The following THOC1 variants were observed in gnomAD, a reference collection of about 807,000 sequenced individuals.
The protein encoded by THOC1 is THO complex 1.
THOC1 carries 29 observed loss-of-function variants against 97.3 expected under a neutral mutation model. The ratio of observed to expected loss-of-function variants is 0.30; its 90% CI spans 0.22 to 0.41. The LOEUF (loss-of-function observed/expected upper bound fraction) is 0.41, where lower values mean the gene tolerates loss of function less well. Among genes scored for constraint, THOC1 ranks in the 10% least tolerant of loss-of-function variants. THOC1 has a pLI of 1.00. For missense variants in THOC1, 529 were observed against 761.9 expected (o/e 0.69, Z 3.60); for synonymous variants, 255 against 257.0 (o/e 0.99, Z 0.07).
At chr18:249,603 A>G (rs1261927233) in intron 9 of THOC1, among the ~76,000 whole-genome samples, 1 of 151,620 alleles carries the variant, frequency 6.6e-6, no homozygotes, top group African/African-American at 2.4e-5. Context: ...CAGAGCTTGC[A>G]GTGAGCCGAG....
At chr18:250,069 C>T (rs1012162163) in intron 9 of THOC1, among the ~76,000 whole-genome samples, 5 of 152,180 alleles carry the variant, frequency 3.3e-5, no homozygotes, top group Admixed American at 3.3e-4. Flanking sequence ...CCATCTCCTA[C>T]CTGTAAAAGA....
intron 11 of THOC1, among the ~76,000 whole-genome samples, chr18:234,164 C>T (rs188805786): frequency 8.3e-4 from 126 of 152,288 alleles, no homozygotes; most frequent in African/African-American, 2.7e-3. Context: ...TTCATTAGTT[C>T]TAACAGTTTC....
chr18:264,127 C>A (rs1306764181), intron 3 of THOC1, 35 bp from the exon 4 acceptor site: 10 of 1,501,944 alleles, frequency 6.7e-6, no homozygotes, highest in Middle Eastern at 1.7e-4. Context: ...AATTTAGGGG[C>A]AAGAGTTCAG....
chr18:266,428 T>C (rs1312211444), intron 1 of THOC1, among the ~76,000 whole-genome samples: 3 of 152,140 alleles, frequency 2.0e-5, no homozygotes, highest in Non-Finnish European at 4.4e-5. Flanking sequence ...AAATGCAAAA[T>C]CTCAGGCTCC....
rs1289440420 is a variant in THOC1, at chr18:251,434, G to A, written c.677+1105C>T. 4.6e-5 allele frequency among the ~76,000 whole-genome samples: 7 copies of A among 152,304 alleles called. No individual in the cohort carries two copies. In the South Asian group the frequency reaches 1.2e-3, roughly 27 times the overall value. ...CTCAGACACCTGGAAGAGTGCCAGT[G>A]AAGGAAAATTTTCCTTAATGCCTTC... On this transcript the variant is annotated intron_variant, in intron 9 of 20. Coordinates refer to ENST00000261600, the MANE Select transcript of THOC1 (RefSeq NM_005131.3).
chr18:249,595 G>C (rs1248223224), intron 9 of THOC1, among the ~76,000 whole-genome samples: 1 of 151,716 alleles, frequency 6.6e-6, no homozygotes, highest in Non-Finnish European at 1.5e-5. Flanking sequence ...CCAGGAGGCA[G>C]AGCTTGCAGT....
chr18:256,664 T>A (rs1912446308), intron 7 of THOC1, among the ~76,000 whole-genome samples: 1 of 152,190 alleles, frequency 6.6e-6, no homozygotes, highest in Non-Finnish European at 1.5e-5. Flanking sequence ...AATGGTGCGA[T>A]CTCGGCTTAT....
At chr18:267,102 T>C (rs1178466640) in intron 1 of THOC1, among the ~76,000 whole-genome samples, 1 of 152,092 alleles carries the variant, frequency 6.6e-6, no homozygotes, top group East Asian at 1.9e-4. Flanking sequence ...ATTTTCATCC[T>C]GGCATCCCTA....
intron 11 of THOC1, among the ~76,000 whole-genome samples, chr18:235,085 A>ATT (rs34986100): frequency 0.056 from 7,754 of 139,142 alleles, 539 homozygotes; most frequent in African/African-American, 0.16. Flanking sequence ...TTGGTTTTCT[A>ATT]TTTTTTTTTT....
At chr18:221,034 C>G (rs1911059398) in intron 17 of THOC1, among the ~76,000 whole-genome samples, 1 of 152,108 alleles carries the variant, frequency 6.6e-6, no homozygotes, top group Non-Finnish European at 1.5e-5. Flanking sequence ...AAAGTCTGAA[C>G]ATGTAGTGTT....
intron 11 of THOC1, chr18:244,434 T>G (rs986603743): frequency 6.6e-6 from 1 of 152,156 alleles, no homozygotes; most frequent in African/African-American, 2.4e-5. Context: ...AAAAATGTCT[T>G]TCTTTCATCG....
chr18:262,007 G>C (rs1314568824), intron 4 of THOC1, among the ~76,000 whole-genome samples: 2 of 152,070 alleles, frequency 1.3e-5, no homozygotes, highest in African/African-American at 2.4e-5. Flanking sequence ...TCCCTTTCTA[G>C]TTCCCACTCC....
chr18:226,675 G>C (rs754222330), intron 12 of THOC1, 126 bp downstream of exon 12: 14 of 620,558 alleles, frequency 2.3e-5, no homozygotes, highest in Middle Eastern at 3.2e-4. Context: ...TGTATCAGCT[G>C]CAATACATGT....
In THOC1 at chr18:242,200, G is replaced by A. The variant is rs548747285; in HGVS notation, c.918+4124C>T. Among the ~76,000 whole-genome samples, 379 of 151,970 alleles carry A rather than the reference G, an allele frequency of 2.5e-3. No homozygotes were observed. The highest frequency in any genetic ancestry group is 6.2e-3 in the Admixed American group (94 of 15,280). ...CTATAAAGTTTATATCATCTGGCTG[G>A]GCGTGGTGGCTCACGCCTGTAATCC... On this transcript the variant is annotated intron_variant, in intron 11 of 20. Transcript: ENST00000261600. The surrounding 1 kb of genome is among the most constrained non-coding windows in gnomAD (Gnocchi z 4.5).
chr18:259,374 T>A, intron 6 of THOC1, 99 bp from the exon 7 acceptor site: 1 of 1,016,742 alleles, frequency 9.8e-7, no homozygotes, highest in South Asian at 1.7e-5. Flanking sequence ...AAGAGTATTT[T>A]CCTAAAGCAG....
Position 259,743 on chromosome 18 carries a change from C to G in THOC1, c.376-13G>C. On this transcript the variant is annotated splice_polypyrimidine_tract_variant and intron_variant, in intron 5 of 20. Coordinates refer to ENST00000261600, the MANE Select transcript of THOC1 (RefSeq NM_005131.3). ...AATAGAATGTATTCTGAAATTAAGA[C>G]GGAAATTATCACTCTTCTTCAGAAC... 6.5e-7 allele frequency: 1 copy of G among 1,530,568 alleles called. No homozygotes were observed. Among genetic ancestry groups the G allele is most frequent in the Non-Finnish European group, 8.8e-7 (1 of 1,134,778 alleles). 94.8% of individuals were successfully genotyped at this position (1,530,568 alleles called of 1,614,324 possible). A position where few individuals can be genotyped will look rare whatever the true frequency, so the allele number is the denominator to read the frequency against.
At position 218,989 on chromosome 18, in the gene THOC1, C is replaced by T. The variant is rs542847985; in HGVS notation, c.1371-20G>A. 2 of 1,539,666 alleles carry T rather than the reference C, an allele frequency of 1.3e-6. No individual in the cohort carries two copies. Among genetic ancestry groups the T allele is most frequent in the South Asian group, 1.2e-5 (1 of 84,760 alleles). On this transcript the variant is annotated intron_variant, in intron 17 of 20. Transcript: ENST00000261600. ...TGTTCCCTGAGCGGTACAAAAATAACCAGTGAGGATGGCATATATTCTTAA... is the reference window on the plus strand; with the variant it reads ...TGTTCCCTGAGCGGTACAAAAATAATCAGTGAGGATGGCATATATTCTTAA...
Position 260,060 on chromosome 18 carries a change from T to C in THOC1, c.375+126A>G, listed in dbSNP as rs997216188. On this transcript the variant is annotated intron_variant, in intron 5 of 20. Transcript: ENST00000261600. ...CTCCCGAGAGAGCAGTATATAATTT[T>C]TTCATAGGCAGAAACTTGTTGGCAT... 3.4e-5 allele frequency: 21 copies of C among 623,680 alleles called. No homozygotes were observed. The African/African-American group carries it at 3.9e-4, about 12-fold the overall frequency. The allele number at this position is 623,680 out of a possible 1,614,324, so 38.6% of individuals were successfully genotyped here. A position where few individuals can be genotyped will look rare whatever the true frequency, so the allele number is the denominator to read the frequency against.
chr18:216,437 A>T (rs765020124), intron 19 of THOC1, 49 bp downstream of exon 19: 1 of 1,574,206 alleles, frequency 6.4e-7, no homozygotes, highest in Admixed American at 1.8e-5. Flanking sequence ...CAGCAATTTT[A>T]AAGAAGATGT....
Sources: allele counts gnomAD v4.1 joint callset (sites outside exome capture counted in the v4.1 genomes callset), GRCh38; gene constraint gnomAD v4.1.1; non-coding constraint Gnocchi (gnomAD v3.1); transcripts MANE v1.5; gene names NCBI Gene and HGNC (gene_info 2026-07-23, HGNC 2026-07-21).